Variants in ACOT7 observed in about 807,000 individuals in gnomAD.
ACOT7 encodes cytosolic acyl coenzyme A thioester hydrolase.
In ACOT7, 12 loss-of-function variants were observed where a neutral mutation model predicts 40.2. The ratio of observed to expected loss-of-function variants is 0.30; its 90% confidence interval spans 0.19 to 0.48. The LOEUF (loss-of-function observed/expected upper bound fraction) is 0.48, where lower values mean the gene tolerates loss of function less well. Ranked by LOEUF, ACOT7 falls within the 20% of genes least tolerant of loss-of-function variation. The probability of loss-of-function intolerance (pLI) is 0.99; values close to 1 mark genes in which losing one functional copy is unlikely to be tolerated. For synonymous variants in ACOT7, 228 were observed against 219.5 expected (o/e 1.04, Z -0.34); for missense variants, 395 against 530.8 (o/e 0.74, Z 2.51).
At chr1:6,268,758 C>A (rs1488877651) in intron 8 of ACOT7, among the ~76,000 whole-genome samples, 2 of 152,266 alleles carry the variant, frequency 1.3e-5, no homozygotes, top group African/African-American at 2.4e-5. Flanking sequence ...CTCACCTCTG[C>A]CAGCCACACG....
rs563377338 is a variant in ACOT7 at position 6,358,743 on chromosome 1, C to G, written c.144-8877G>C. The G allele has an allele frequency of 6.9e-7, 1 of 1,441,014 alleles. No individual in the cohort carries two copies. Among genetic ancestry groups the G allele is most frequent in the African/African-American group, 1.4e-5 (1 of 71,068 alleles). The allele number at this position is 1,441,014 out of a possible 1,614,324, so 89.3% of individuals were successfully genotyped here. On this transcript the variant is annotated intron_variant, in intron 1 of 8. Transcript: ENST00000361521. This position sits in a 1 kb window ranked among gnomAD's most constrained non-coding sequence, Gnocchi z 4.1. ...GGCACAGGGGCCGAGTCCCCTCTAC[C>G]CACCCTTCCCTTCCAAATGTCCCTA...
intron 8 of ACOT7, 70 bp downstream of exon 8, chr1:6,281,032 G>A (rs1639341255): frequency 2.6e-6 from 4 of 1,549,334 alleles, no homozygotes; most frequent in African/African-American, 2.7e-5. Context: ...ATTCCCCCTG[G>A]AGGCCCAAAC....
chr1:6,292,646 A>G (rs1639698718), intron 7 of ACOT7, among the ~76,000 whole-genome samples: 1 of 150,808 alleles, frequency 6.6e-6, no homozygotes, highest in South Asian at 2.1e-4. Flanking sequence ...TTGTACAAGG[A>G]GTTAAGGGTG....
At chr1:6,360,536 A>T (rs1288354835) in intron 1 of ACOT7, 1 of 1,612,748 alleles carries the variant, frequency 6.2e-7, no homozygotes, top group South Asian at 1.1e-5. Context: ...CCTGACCCCA[A>T]ATAGCCCATA....
chr1:6,296,152 C>T (rs1199795419), intron 6 of ACOT7, among the ~76,000 whole-genome samples: 1 of 152,208 alleles, frequency 6.6e-6, no homozygotes, highest in East Asian at 1.9e-4. Flanking sequence ...CACCTCACCT[C>T]CCAAAGTGCT....
At chr1:6,364,960 T>C (rs927564849) in intron 1 of ACOT7, among the ~76,000 whole-genome samples, 1 of 150,728 alleles carries the variant, frequency 6.6e-6, no homozygotes, top group Non-Finnish European at 1.5e-5. Context: ...GAGGCAGAGG[T>C]TGCAGTGAGC....
intron 1 of ACOT7, among the ~76,000 whole-genome samples, chr1:6,370,771 G>A (rs1430942601): frequency 6.6e-6 from 1 of 151,416 alleles, no homozygotes; most frequent in African/African-American, 2.4e-5. Flanking sequence ...GGGATTACAG[G>A]CATGAGTCAC....
At chr1:6,337,894 G>C (rs1203938173) in intron 3 of ACOT7, among the ~76,000 whole-genome samples, 1 of 149,730 alleles carries the variant, frequency 6.7e-6, no homozygotes, top group Non-Finnish European at 1.5e-5. Flanking sequence ...AGAATAGCTT[G>C]AACCTGGGAG....
chr1:6,327,963 G>A (rs1366654504), intron 4 of ACOT7, among the ~76,000 whole-genome samples: 1 of 151,960 alleles, frequency 6.6e-6, no homozygotes, highest in Non-Finnish European at 1.5e-5. Context: ...TAGTAGAGAT[G>A]GGGTTTCACG....
intron 1 of ACOT7, among the ~76,000 whole-genome samples, chr1:6,390,289 G>T (rs1642512437): frequency 6.6e-6 from 1 of 152,214 alleles, no homozygotes; most frequent in Non-Finnish European, 1.5e-5. Flanking sequence ...ATATGCAATT[G>T]GCCAGGCACG....
Position 6,377,846 on chromosome 1 carries a change from G to A in ACOT7, c.143+15411C>T, listed in dbSNP as rs192445670. Among the ~76,000 whole-genome samples, 7 of 152,272 alleles carry A rather than the reference G, an allele frequency of 4.6e-5. No individual in the cohort carries two copies. The East Asian group carries it at 9.6e-4, about 21-fold the overall frequency. ...AGCACTTTGGTAAGCCTAGGCGGAC[G>A]GATCACAAGGTCAGGAGATCAAGAC... On this transcript the variant is annotated intron_variant, in intron 1 of 8. Coordinates refer to ENST00000361521, the MANE Select transcript of ACOT7 (RefSeq NM_007274.4).
intron 8 of ACOT7, among the ~76,000 whole-genome samples, chr1:6,265,066 C>A (rs563180200): frequency 2.3e-4 from 35 of 152,204 alleles, no homozygotes; most frequent in South Asian, 6.2e-4. Context: ...CAGCAGGTGA[C>A]CTCCAAGCCC....
At chr1:6,340,777 TA>T (rs1641254392) in intron 2 of ACOT7, among the ~76,000 whole-genome samples, 2 of 152,098 alleles carry the variant, frequency 1.3e-5, no homozygotes, top group Admixed American at 1.3e-4. Flanking sequence ...GGCTCATGAC[TA>T]TAATTCCAGA....
intron 7 of ACOT7, among the ~76,000 whole-genome samples, chr1:6,292,348 G>A (rs550232679): frequency 1.8e-4 from 28 of 152,342 alleles, no homozygotes; most frequent in African/African-American, 6.5e-4. Context: ...AATCAGGCGA[G>A]CCCACCCAAC....
intron 7 of ACOT7, 51 bp from the exon 8 acceptor site, chr1:6,281,337 G>A (rs755203981): frequency 2.0e-5 from 32 of 1,563,108 alleles, no homozygotes; most frequent in Admixed American, 8.4e-5. Context: ...CCACGGCTGG[G>A]CGGGGGACAC....
chr1:6,360,302 T>G (rs1641858801), intron 1 of ACOT7, among the ~76,000 whole-genome samples: 1 of 152,220 alleles, frequency 6.6e-6, no homozygotes, highest in South Asian at 2.1e-4. Flanking sequence ...GGGCTGAGTC[T>G]GGCCCAAGCC....
At chr1:6,286,417 T>C (rs1356441096) in intron 7 of ACOT7, among the ~76,000 whole-genome samples, 3 of 152,094 alleles carry the variant, frequency 2.0e-5, no homozygotes, top group African/African-American at 4.8e-5. Flanking sequence ...CATGACAAAG[T>C]GTCTCATCAG....
At chr1:6,362,442 A>G (rs1308137987) in intron 1 of ACOT7, among the ~76,000 whole-genome samples, 1 of 151,778 alleles carries the variant, frequency 6.6e-6, no homozygotes, top group African/African-American at 2.4e-5. Context: ...AAAAAAAAAA[A>G]GAAAAAAAAA....
In ACOT7 at chr1:6,289,820, G is replaced by A. The variant is rs1290843831; in HGVS notation, c.829+5044C>T. Reference sequence around the variant, plus strand: ...GCCAAAACTACAGGCTTGAGCCATCGTGCCCAGGCCCAGCTATTTTTCTAA... The same window carrying A: ...GCCAAAACTACAGGCTTGAGCCATCATGCCCAGGCCCAGCTATTTTTCTAA... On this transcript the variant is annotated intron_variant, in intron 7 of 8. Transcript: ENST00000361521. The surrounding 1 kb of genome is among the most constrained non-coding windows in gnomAD (Gnocchi z 4.6). Among the ~76,000 whole-genome samples, 5 of 152,088 alleles carry A rather than the reference G, an allele frequency of 3.3e-5. No individual in the cohort carries two copies. The highest frequency in any genetic ancestry group is 1.3e-4 in the Admixed American group (2 of 15,268).
Sources: allele counts gnomAD v4.1 joint callset (sites outside exome capture counted in the v4.1 genomes callset), GRCh38; gene constraint gnomAD v4.1.1; non-coding constraint Gnocchi (gnomAD v3.1); transcripts MANE v1.5; gene names NCBI Gene and HGNC (gene_info 2026-07-23, HGNC 2026-07-21).